NELL1: variants seen among roughly 807,000 people sequenced by gnomAD.
The protein encoded by NELL1 is neural EGFL like 1.
In NELL1, 76 loss-of-function variants were observed where a neutral mutation model predicts 107.4. That is an observed-to-expected ratio of 0.71 (90% CI 0.59 to 0.86). The LOEUF (loss-of-function observed/expected upper bound fraction) is 0.86. Ranked by LOEUF, NELL1 falls within the 40% of genes least tolerant of loss-of-function variation. NELL1 has a pLI of 0.00. For synonymous variants in NELL1, 353 were observed against 341.2 expected (o/e 1.03, Z -0.38); for missense variants, 1,024 against 1,005.5 (o/e 1.02, Z -0.25).
At chr11:21,284,752 C>G (rs182551477) in intron 14 of NELL1, 1 of 344,404 alleles carries the variant, frequency 2.9e-6, no homozygotes, top group Non-Finnish European at 5.8e-6. Context: ...ACAAATCTGG[C>G]AAACCCTACC....
intron 2 of NELL1, among the ~76,000 whole-genome samples, chr11:20,766,182 T>C (rs369124251): frequency 3.9e-5 from 6 of 152,204 alleles, no homozygotes; most frequent in Admixed American, 1.3e-4. Context: ...GACCCTTCCC[T>C]GGGCCCCCTG....
intron 14 of NELL1, among the ~76,000 whole-genome samples, chr11:21,278,649 A>G (rs931394774): frequency 6.6e-6 from 1 of 152,180 alleles, no homozygotes; most frequent in Non-Finnish European, 1.5e-5. Context: ...AGAACTAAAT[A>G]GAGAGATAAT....
chr11:21,261,374 G>T (rs1428729802), intron 14 of NELL1, among the ~76,000 whole-genome samples: 3 of 151,588 alleles, frequency 2.0e-5, no homozygotes, highest in Non-Finnish European at 1.5e-5. Flanking sequence ...AAAGGCTCCA[G>T]TGTGTTGTTC....
rs369425640 is a variant in NELL1, at chr11:21,487,692, A to G, written c.1646-46682A>G. ...CCTGACAGATCATTAATAACCTCGA[A>G]TTTAAATGGATTAAATTCTGCACTT... On this transcript the variant is annotated intron_variant, in intron 15 of 19. Transcript: ENST00000357134. Among the ~76,000 whole-genome samples the G allele has an allele frequency of 3.9e-5, 6 of 152,264 alleles. 1 individual carries two copies. Among genetic ancestry groups the G allele is most frequent in the African/African-American group, 1.4e-4 (6 of 41,546 alleles).
At chr11:21,239,461 A>C (rs151185106) in intron 14 of NELL1, among the ~76,000 whole-genome samples, 3 of 152,164 alleles carry the variant, frequency 2.0e-5, no homozygotes, top group African/African-American at 4.8e-5. Context: ...TTGAGTAGAC[A>C]TTGTCTTTTC....
intron 3 of NELL1, among the ~76,000 whole-genome samples, chr11:20,821,958 T>G (rs1035746484): frequency 9.9e-5 from 15 of 152,194 alleles, no homozygotes; most frequent in Non-Finnish European, 1.9e-4. Context: ...GGGTAGGCAG[T>G]AGTACTACGT....
At chr11:21,457,187 G>C (rs1165194786) in intron 15 of NELL1, among the ~76,000 whole-genome samples, 2 of 152,174 alleles carry the variant, frequency 1.3e-5, no homozygotes, top group African/African-American at 4.8e-5. Flanking sequence ...TTAGAATATT[G>C]TTCATGTTTC....
At chr11:20,696,475 G>C (rs1854620586) in intron 2 of NELL1, among the ~76,000 whole-genome samples, 1 of 151,960 alleles carries the variant, frequency 6.6e-6, no homozygotes, top group Admixed American at 6.6e-5. Context: ...TCTTAACACT[G>C]CTTTTGCTGC....
intron 12 of NELL1, among the ~76,000 whole-genome samples, chr11:21,095,265 T>G (rs1854614045): frequency 6.6e-6 from 1 of 152,166 alleles, no homozygotes. Context: ...AGCCTGAACC[T>G]TATTGTCCAT....
At chr11:21,210,728 C>G (rs1181102545) in intron 13 of NELL1, among the ~76,000 whole-genome samples, 2 of 152,060 alleles carry the variant, frequency 1.3e-5, no homozygotes, top group Non-Finnish European at 2.9e-5. Context: ...GCCTCTGAAG[C>G]CTCGGTATTA....
intron 13 of NELL1, among the ~76,000 whole-genome samples, chr11:21,186,176 T>C (rs552430542): frequency 6.6e-6 from 1 of 151,998 alleles, no homozygotes; most frequent in South Asian, 2.1e-4. Flanking sequence ...GTCATGTGAC[T>C]TCTCCATTAT....
At chr11:20,972,487 G>A (rs1348234519) in intron 12 of NELL1, among the ~76,000 whole-genome samples, 1 of 152,090 alleles carries the variant, frequency 6.6e-6, no homozygotes, top group Non-Finnish European at 1.5e-5. Context: ...GAAGTGTGGG[G>A]TGGTATAGGA....
At chr11:21,074,098 G>T (rs768940711) in intron 12 of NELL1, among the ~76,000 whole-genome samples, 1 of 152,138 alleles carries the variant, frequency 6.6e-6, no homozygotes, top group South Asian at 2.1e-4. Context: ...ATGAGTTCTC[G>T]TGTCAAATTA....
chr11:20,898,570 T>TA (rs561419204), intron 5 of NELL1, among the ~76,000 whole-genome samples: 3,489 of 143,588 alleles, frequency 0.024, 134 homozygotes, highest in African/African-American at 0.083. Flanking sequence ...TAAAGTATAA[T>TA]AAAAAAAAAA....
At chr11:21,362,808 G>A (rs575049547) in intron 14 of NELL1, among the ~76,000 whole-genome samples, 2 of 152,248 alleles carry the variant, frequency 1.3e-5, no homozygotes, top group Non-Finnish European at 2.9e-5. Context: ...AGGTGGGGGA[G>A]GCTTACGCAA....
chr11:21,425,087 A>G (rs1322855332), intron 15 of NELL1, among the ~76,000 whole-genome samples: 1 of 152,178 alleles, frequency 6.6e-6, no homozygotes, highest in Non-Finnish European at 1.5e-5. Flanking sequence ...ATATAACATG[A>G]CCAAGTGGGA....
At chr11:20,850,835 T>C (rs1848782420) in intron 4 of NELL1, among the ~76,000 whole-genome samples, 1 of 152,178 alleles carries the variant, frequency 6.6e-6, no homozygotes, top group South Asian at 2.1e-4. Context: ...CCAGGTAATG[T>C]TCTAGTAATA....
intron 14 of NELL1, among the ~76,000 whole-genome samples, chr11:21,234,412 A>C (rs1858146931): frequency 6.6e-6 from 1 of 152,134 alleles, no homozygotes; most frequent in African/African-American, 2.4e-5. Flanking sequence ...TGGTATATTC[A>C]TGTGGCCCAC....
chr11:21,057,175 A>C (rs1229017474), intron 12 of NELL1, among the ~76,000 whole-genome samples: 1 of 152,116 alleles, frequency 6.6e-6, no homozygotes, highest in Non-Finnish European at 1.5e-5. Context: ...GGGCAAAACA[A>C]AACACATAAG....
Sources: gnomAD v4.1 joint callset for allele counts (sites outside exome capture counted in the v4.1 genomes callset) on GRCh38, gnomAD v4.1.1 for gene constraint, MANE v1.5 for transcripts, NCBI Gene and HGNC (gene_info 2026-07-23, HGNC 2026-07-21) for gene names.